The following EPHA6 variants were observed in gnomAD, a reference collection of about 807,000 sequenced individuals.
EPHA6 encodes the protein EPH receptor A6, also known as ephrin type-A receptor 6.
EPHA6 carries 50 observed loss-of-function variants against 112.0 expected under a neutral mutation model. That is an observed-to-expected ratio of 0.45 (90% CI 0.36 to 0.56). The LOEUF (loss-of-function observed/expected upper bound fraction) is 0.56, where lower values mean the gene tolerates loss of function less well. EPHA6 is among the 20% of genes least tolerant of loss of function. The probability of loss-of-function intolerance (pLI) is 0.00; values close to 1 mark genes in which losing one functional copy is unlikely to be tolerated. For synonymous variants in EPHA6, 529 were observed against 490.7 expected, an observed-to-expected ratio of 1.08 and a Z score of -1.03; for missense variants, 1,280 against 1,417.4, an observed-to-expected ratio of 0.90 and a Z score of 1.56.
intron 13 of EPHA6, among the ~76,000 whole-genome samples, chr3:97,624,201 A>G (rs1045856005): frequency 1.3e-5 from 2 of 151,702 alleles, no homozygotes; most frequent in African/African-American, 4.8e-5. Flanking sequence ...TTATTATGTC[A>G]AAGTAATTTT....
Position 97,399,224 on chromosome 3 carries a change from C to T in EPHA6, c.1607-5926C>T, listed in dbSNP as rs528495706. Among the ~76,000 whole-genome samples, 213 of 151,736 alleles carry T rather than the reference C, an allele frequency of 1.4e-3. 1 individual carries two copies. Among genetic ancestry groups the T allele is most frequent in the Middle Eastern group, 6.8e-3 (2 of 294 alleles). On this transcript the variant is annotated intron_variant, in intron 5 of 17. Coordinates refer to ENST00000389672, the MANE Select transcript of EPHA6 (RefSeq NM_001080448.3). ...ATCTTTCTGTGACTTACATATTTCA[C>T]TTAACATAATGGCCTCCAGGCTCAT...
intron 3 of EPHA6, among the ~76,000 whole-genome samples, chr3:97,016,666 G>A (rs193239988): frequency 6.6e-6 from 1 of 152,156 alleles, no homozygotes; most frequent in Admixed American, 6.5e-5. Context: ...AAGACAATAA[G>A]CATATCTTTC....
chr3:96,839,286 G>A (rs1043099530), intron 1 of EPHA6, among the ~76,000 whole-genome samples: 2 of 151,526 alleles, frequency 1.3e-5, no homozygotes, highest in African/African-American at 4.8e-5. Context: ...ATCAGTGGTG[G>A]CACTAGATTC....
chr3:97,540,007 G>A (rs1308971451), intron 11 of EPHA6, among the ~76,000 whole-genome samples: 1 of 152,192 alleles, frequency 6.6e-6, no homozygotes, highest in Non-Finnish European at 1.5e-5. Context: ...TAGGGAAAGA[G>A]TTATAGGATG....
At chr3:97,546,696 G>A (rs1004936987) in intron 11 of EPHA6, among the ~76,000 whole-genome samples, 12 of 152,156 alleles carry the variant, frequency 7.9e-5, no homozygotes, top group Admixed American at 5.9e-4. Context: ...TCACTTTCAG[G>A]TACACCAATC....
chr3:97,366,592 T>C (rs527587098), intron 5 of EPHA6, among the ~76,000 whole-genome samples: 1 of 151,832 alleles, frequency 6.6e-6, no homozygotes, highest in African/African-American at 2.4e-5. Flanking sequence ...CACATCACCA[T>C]GGAACACACA....
intron 11 of EPHA6, among the ~76,000 whole-genome samples, chr3:97,591,622 C>T (rs1188295030): frequency 6.6e-6 from 1 of 152,024 alleles, no homozygotes; most frequent in Non-Finnish European, 1.5e-5. Flanking sequence ...GTATCAGTTA[C>T]CAGTGATGCC....
intron 2 of EPHA6, among the ~76,000 whole-genome samples, chr3:96,891,477 G>A (rs1035793416): frequency 1.3e-5 from 2 of 152,114 alleles, no homozygotes; most frequent in South Asian, 2.1e-4. Context: ...CTGGGAGACC[G>A]AGATGGGCAG....
intron 3 of EPHA6, among the ~76,000 whole-genome samples, chr3:97,064,442 A>C (rs1417477671): frequency 5.3e-5 from 8 of 152,180 alleles, no homozygotes; most frequent in Admixed American, 5.2e-4. Flanking sequence ...AATTCATAAT[A>C]ACATATTAAT....
intron 3 of EPHA6, among the ~76,000 whole-genome samples, chr3:97,116,665 G>T (rs1447453748): frequency 6.6e-6 from 1 of 151,564 alleles, no homozygotes; most frequent in African/African-American, 2.4e-5. Flanking sequence ...CAGATAACAA[G>T]ATTTCTTTCT....
intron 3 of EPHA6, among the ~76,000 whole-genome samples, chr3:97,134,006 A>G (rs182512127): frequency 6.6e-6 from 1 of 152,160 alleles, no homozygotes; most frequent in Admixed American, 6.5e-5. Flanking sequence ...ACTAAAGGAA[A>G]TTGTTTTTGC....
chr3:97,148,939 T>G (rs896041106), intron 3 of EPHA6, among the ~76,000 whole-genome samples: 5 of 152,140 alleles, frequency 3.3e-5, no homozygotes, highest in African/African-American at 1.2e-4. Context: ...GAGTAGCCAC[T>G]TTCATATTTT....
intron 5 of EPHA6, among the ~76,000 whole-genome samples, chr3:97,256,102 G>T (rs1217343222): frequency 6.6e-6 from 1 of 152,070 alleles, no homozygotes; most frequent in Non-Finnish European, 1.5e-5. Context: ...ACCCGTCAAA[G>T]CAGAGATCCT....
chr3:97,210,701 C>T (rs879349587), intron 3 of EPHA6, among the ~76,000 whole-genome samples: 1 of 152,092 alleles, frequency 6.6e-6, no homozygotes, highest in Non-Finnish European at 1.5e-5. Context: ...GCAAATGTTC[C>T]AGTTACTCAG....
intron 12 of EPHA6, among the ~76,000 whole-genome samples, chr3:97,608,249 C>T (rs565638676): frequency 7.9e-5 from 12 of 151,334 alleles, no homozygotes; most frequent in Non-Finnish European, 1.8e-4. Flanking sequence ...GAAGATAGAA[C>T]TTGTTACTGA....
intron 2 of EPHA6, among the ~76,000 whole-genome samples, chr3:96,985,998 C>A (rs995335606): frequency 6.6e-6 from 1 of 151,986 alleles, no homozygotes; most frequent in Non-Finnish European, 1.5e-5. Context: ...CTATAGCAAA[C>A]CATTTGTTGT....
At chr3:97,745,480 T>C (rs1266055078) in intron 16 of EPHA6, 6 of 405,796 alleles carry the variant, frequency 1.5e-5, no homozygotes, top group Non-Finnish European at 2.9e-5. Flanking sequence ...GGAAATGCAA[T>C]AGAATTGAGT....
intron 14 of EPHA6, among the ~76,000 whole-genome samples, chr3:97,689,039 C>T (rs947332813): frequency 3.9e-5 from 6 of 152,056 alleles, no homozygotes; most frequent in Admixed American, 3.3e-4. Flanking sequence ...CTTTGACATG[C>T]CTCCTATTTG....
chr3:97,326,997 T>C (rs1447377807), intron 5 of EPHA6, among the ~76,000 whole-genome samples: 3 of 152,060 alleles, frequency 2.0e-5, no homozygotes, highest in Non-Finnish European at 2.9e-5. Flanking sequence ...CTGGTAACTG[T>C]AGAGTTCAGT....
Sources: allele counts gnomAD v4.1 joint callset (sites outside exome capture counted in the v4.1 genomes callset), GRCh38; gene constraint gnomAD v4.1.1; transcripts MANE v1.5; gene names NCBI Gene and HGNC (gene_info 2026-07-23, HGNC 2026-07-21).